The following ELL2 variants were observed in gnomAD, a reference collection of about 807,000 sequenced individuals.
ELL2 encodes the protein elongation factor for RNA polymerase II 2.
In ELL2, 21 loss-of-function variants were observed where a neutral mutation model predicts 72.8. The ratio of observed to expected loss-of-function variants is 0.29; its 90% CI spans 0.20 to 0.42. ELL2 has a LOEUF of 0.42. Ranked by LOEUF, ELL2 falls within the 10% of genes least tolerant of loss-of-function variation. The pLI, the probability that ELL2 is intolerant of heterozygous loss-of-function variation, is 1.00. For synonymous variants in ELL2, 266 were observed against 283.2 expected, an observed-to-expected ratio of 0.94 and a Z score of 0.61; for missense variants, 568 against 772.8, an observed-to-expected ratio of 0.73 and a Z score of 3.14.
At chr5:95,947,761 C>G (rs1438025900) in intron 1 of ELL2, among the ~76,000 whole-genome samples, 2 of 152,116 alleles carry the variant, frequency 1.3e-5, no homozygotes, top group East Asian at 3.8e-4. Context: ...AATGTTCACT[C>G]AGTTCTTTTG....
chr5:95,948,429 CAAAAAAAAAA>C lies in ELL2; in HGVS notation c.148-5390_148-5381del, dbSNP rs1187881368. The stretch of plus-strand genomic sequence containing the variant: ...TGGGCAACAGAGCGAGACTCCGCCT[CAAAAAAAAAA>C]AAAAAAAAAAAAAAGCCACAGGAAG... On this transcript the variant is annotated intron_variant, in intron 1 of 11. Coordinates refer to ENST00000237853, the MANE Select transcript of ELL2 (RefSeq NM_012081.6). Among the ~76,000 whole-genome samples the C allele has an allele frequency of 2.4e-3, 85 of 35,236 alleles. 1 individual carries two copies. Among genetic ancestry groups the C allele is most frequent in the Middle Eastern group, 0.022 (1 of 46 alleles). 23.1% of individuals were successfully genotyped at this position (35,236 alleles called of 152,430 possible). A position where few individuals can be genotyped will look rare whatever the true frequency, so the allele number is the denominator to read the frequency against.
intron 7 of ELL2, 128 bp from the exon 8 acceptor site, chr5:95,898,938 C>T (rs946856110): frequency 1.1e-5 from 7 of 644,312 alleles, no homozygotes; most frequent in Non-Finnish European, 1.7e-5. Flanking sequence ...TGTAATATTA[C>T]ACGCTTTCTT....
rs573003734 is a variant in ELL2 at position 95,910,219 on chromosome 5, A to G, written c.482-3437T>C. ...ATGTTAAATGATTTGTCTGTCATCA[A>G]AAATAAGGAGGTTTGTTCACAAAGA... On this transcript the variant is annotated intron_variant, in intron 4 of 11. Coordinates refer to ENST00000237853, the MANE Select transcript of ELL2 (RefSeq NM_012081.6). Among the ~76,000 whole-genome samples the G allele has an allele frequency of 5.9e-5, 9 of 152,298 alleles. No homozygotes were observed. In the South Asian group the frequency reaches 1.9e-3, roughly 32 times the overall value.
intron 1 of ELL2, among the ~76,000 whole-genome samples, chr5:95,957,679 G>C (rs897173075): frequency 1.3e-5 from 2 of 152,004 alleles, no homozygotes; most frequent in African/African-American, 4.8e-5. Context: ...GTTTAGAAAG[G>C]CTCCCAAGAT....
intron 9 of ELL2, among the ~76,000 whole-genome samples, chr5:95,892,963 C>A (rs1328777426): frequency 3.9e-5 from 6 of 152,142 alleles, no homozygotes; most frequent in Admixed American, 2.0e-4. Flanking sequence ...ATTGACTGTA[C>A]ACCAGAGGGA....
intron 2 of ELL2, among the ~76,000 whole-genome samples, chr5:95,931,423 C>G (rs148000458): frequency 6.0e-4 from 91 of 152,234 alleles, no homozygotes; most frequent in African/African-American, 2.0e-3. Context: ...GATTCTAACA[C>G]ACACATGCCT....
chr5:95,952,235 T>C (rs1033605161), intron 1 of ELL2, among the ~76,000 whole-genome samples: 2 of 152,302 alleles, frequency 1.3e-5, no homozygotes, highest in African/African-American at 4.8e-5. Context: ...TTTGCATTTA[T>C]AAGTGAGAGC....
At chr5:95,942,234 T>G (rs1379078498) in intron 2 of ELL2, among the ~76,000 whole-genome samples, 1 of 152,246 alleles carries the variant, frequency 6.6e-6, no homozygotes, top group Non-Finnish European at 1.5e-5. Context: ...CCTCAGCTTA[T>G]GTTTTCTCTA....
At chr5:95,938,978 G>A (rs1399904924) in intron 2 of ELL2, among the ~76,000 whole-genome samples, 1 of 152,088 alleles carries the variant, frequency 6.6e-6, no homozygotes, top group African/African-American at 2.4e-5. Context: ...ACTCTGTAAG[G>A]CTACCACATG....
chr5:95,907,557 G>A (rs1274369022), intron 4 of ELL2, among the ~76,000 whole-genome samples: 1 of 152,088 alleles, frequency 6.6e-6, no homozygotes, highest in Non-Finnish European at 1.5e-5. Context: ...TCTAGAACAT[G>A]TGTGGGCTGA....
intron 4 of ELL2, among the ~76,000 whole-genome samples, chr5:95,912,370 C>T (rs1360459735): frequency 1.3e-5 from 2 of 151,970 alleles, no homozygotes; most frequent in South Asian, 2.1e-4. Flanking sequence ...GTCTTCTATT[C>T]CTTTGTCAAA....
chr5:95,941,949 T>G (rs999684383), intron 2 of ELL2, among the ~76,000 whole-genome samples: 1 of 152,214 alleles, frequency 6.6e-6, no homozygotes, highest in African/African-American at 2.4e-5. Context: ...TCATGAACAC[T>G]TAGTCACTGA....
chr5:95,908,279 A>C (rs1231545487), intron 4 of ELL2, among the ~76,000 whole-genome samples: 1 of 152,230 alleles, frequency 6.6e-6, no homozygotes, highest in Non-Finnish European at 1.5e-5. Flanking sequence ...GTTTCACCTG[A>C]AAAGGCAGGT....
rs1050219949 is a variant in ELL2, at chr5:95,943,054, TAAAAGAAAC to T, written c.148-14_148-6del. ...AGGTCGAAAAGGAATTAAATTCTAT[TAAAAGAAAC>T]AAAAGAAACAAACAGGTAAACCTTG... On this transcript the variant is annotated splice_region_variant and splice_polypyrimidine_tract_variant and intron_variant, in intron 1 of 11. Transcript: ENST00000237853. 2.5e-6 allele frequency: 4 copies of T among 1,599,142 alleles called. No homozygotes were observed. The highest frequency in any genetic ancestry group is 3.4e-6 in the Non-Finnish European group (4 of 1,172,586).
intron 2 of ELL2, among the ~76,000 whole-genome samples, chr5:95,931,431 C>T (rs1331705227): frequency 6.6e-6 from 1 of 152,082 alleles, no homozygotes; most frequent in Non-Finnish European, 1.5e-5. Flanking sequence ...CACACACATG[C>T]CTTCCTTACT....
Position 95,911,189 on chromosome 5 carries a change from T to C in ELL2, c.481+2582A>G, listed in dbSNP as rs376023648. Reference sequence around the variant, plus strand: ...ACTGAGCTGCCTGGAAGGAAAACAATATATGAGAAAGAGCTGGCAATGGAT... The same window carrying C: ...ACTGAGCTGCCTGGAAGGAAAACAACATATGAGAAAGAGCTGGCAATGGAT... On this transcript the variant is annotated intron_variant, in intron 4 of 11. Coordinates refer to ENST00000237853, the MANE Select transcript of ELL2 (RefSeq NM_012081.6). Among the ~76,000 whole-genome samples the C allele has an allele frequency of 1.1e-4, 17 of 151,508 alleles. 1 individual carries two copies. In the East Asian group the frequency reaches 2.1e-3, roughly 19 times the overall value.
rs973987247 is a variant in ELL2, at chr5:95,907,070, G to A, written c.482-288C>T. ...AAGATAATAACTAGTAACACAAACT[G>A]TAACAACAGACTTGATAACTTATAT... On this transcript the variant is annotated intron_variant, in intron 4 of 11. Transcript: ENST00000237853. Among the ~76,000 whole-genome samples the A allele has an allele frequency of 5.3e-5, 8 of 151,988 alleles. No homozygotes were observed. The East Asian group carries it at 1.2e-3, about 22-fold the overall frequency.
At chr5:95,941,243 GCT>G (rs1243383247) in intron 2 of ELL2, among the ~76,000 whole-genome samples, 6 of 152,142 alleles carry the variant, frequency 3.9e-5, no homozygotes, top group Non-Finnish European at 2.9e-5. Context: ...TATCTAAATT[GCT>G]TCCATCAGTG....
chr5:95,931,976 GTGT>G (rs997741759), intron 2 of ELL2, among the ~76,000 whole-genome samples: 3 of 131,068 alleles, frequency 2.3e-5, no homozygotes, highest in Admixed American at 7.4e-5. Context: ...GTCTGTGGGG[GTGT>G]TTTTTTTTTT....
Sources: allele counts gnomAD v4.1 joint callset (sites outside exome capture counted in the v4.1 genomes callset), GRCh38; gene constraint gnomAD v4.1.1; transcripts MANE v1.5; gene names NCBI Gene and HGNC (gene_info 2026-07-23, HGNC 2026-07-21).